RBPJ: variants seen among roughly 807,000 people sequenced by gnomAD.
RBPJ encodes the protein recombination signal binding protein for immunoglobulin kappa J region, also known as recombining binding protein suppressor of hairless.
In RBPJ, 9 loss-of-function variants were observed where a neutral mutation model predicts 67.8. The ratio of observed to expected loss-of-function variants is 0.13; its 90% CI spans 0.08 to 0.23. The LOEUF (loss-of-function observed/expected upper bound fraction) is 0.23, where lower values mean the gene tolerates loss of function less well. RBPJ is among the 10% of genes least tolerant of loss of function. The probability of loss-of-function intolerance (pLI) is 1.00; values close to 1 mark genes in which losing one functional copy is unlikely to be tolerated. For synonymous variants in RBPJ, 198 were observed against 203.3 expected (o/e 0.97, Z 0.22); for missense variants, 305 against 595.6 (o/e 0.51, Z 5.08).
Position 26,342,484 on chromosome 4 carries a change from G to A in RBPJ, c.20+21436G>A, listed in dbSNP as rs534026404. 2.0e-5 allele frequency among the ~76,000 whole-genome samples: 3 copies of A among 152,292 alleles called. No individual in the cohort carries two copies. The South Asian group carries it at 6.2e-4, about 32-fold the overall frequency. ...GTAGTATGAACATCTGCTAGCGATA[G>A]TGTAATTTAGTATGTGGTGATCCTA... On this transcript the variant is annotated intron_variant, in intron 1 of 10. Transcript: ENST00000355476.
chr4:26,140,470 C>G, the RBPJ span, among the ~76,000 whole-genome samples: 1 of 152,174 alleles, frequency 6.6e-6, no homozygotes, highest in East Asian at 1.9e-4. Context: ...CAACTTGGCT[C>G]TCCTCCCTGC....
At chr4:26,368,952 A>G (rs1190561533) in intron 1 of RBPJ, among the ~76,000 whole-genome samples, 2 of 152,154 alleles carry the variant, frequency 1.3e-5, no homozygotes, top group Non-Finnish European at 2.9e-5. Flanking sequence ...CTCTGTAGGG[A>G]GCCAATTTTC....
chr4:26,305,604 T>C (rs1409164924), intron 1 of RBPJ, among the ~76,000 whole-genome samples: 1 of 152,064 alleles, frequency 6.6e-6, no homozygotes, highest in Non-Finnish European at 1.5e-5. Context: ...TTAATACTCA[T>C]GCTATTGGAA....
intron 1 of RBPJ, among the ~76,000 whole-genome samples, chr4:26,193,845 A>G (rs1045828287): frequency 6.6e-6 from 1 of 152,134 alleles, no homozygotes; most frequent in Non-Finnish European, 1.5e-5. Flanking sequence ...CAGAGCCTGC[A>G]ATACCTGGCC....
intron 1 of RBPJ, among the ~76,000 whole-genome samples, chr4:26,233,240 C>A (rs150369145): frequency 6.6e-6 from 1 of 152,118 alleles, no homozygotes; most frequent in African/African-American, 2.4e-5. Flanking sequence ...AATTAAAATA[C>A]TGGGGGGGAA....
the RBPJ span, among the ~76,000 whole-genome samples, chr4:26,151,123 C>T: frequency 5.1e-4 from 77 of 152,212 alleles, no homozygotes; most frequent in African/African-American, 1.6e-3. Context: ...CAAATGGCAC[C>T]GAAGCAGCAG....
At chr4:26,343,135 A>G (rs1055623885) in intron 1 of RBPJ, 1 of 152,158 alleles carries the variant, frequency 6.6e-6, no homozygotes, top group African/African-American at 2.4e-5. Context: ...CTTGCAATGA[A>G]TTCTGTGTTT....
chr4:26,212,791 G>A (rs1370544911), intron 1 of RBPJ, among the ~76,000 whole-genome samples: 1 of 152,092 alleles, frequency 6.6e-6, no homozygotes, highest in Non-Finnish European at 1.5e-5. Context: ...TTCAGTATGA[G>A]ATCATACCTT....
At chr4:26,268,308 G>A (rs768935681) in intron 1 of RBPJ, among the ~76,000 whole-genome samples, 1 of 151,914 alleles carries the variant, frequency 6.6e-6, no homozygotes, top group East Asian at 1.9e-4. Context: ...TTCTGTGTAC[G>A]GTTCTGGTCC....
chr4:26,363,274 G>T (rs2109507656), intron 1 of RBPJ, among the ~76,000 whole-genome samples: 1 of 152,074 alleles, frequency 6.6e-6, no homozygotes, highest in Admixed American at 6.6e-5. Flanking sequence ...TGAGTAGCTG[G>T]AACTATAGGC....
At chr4:26,287,704 A>G (rs959024656) in intron 1 of RBPJ, among the ~76,000 whole-genome samples, 8 of 89,880 alleles carry the variant, frequency 8.9e-5, no homozygotes, top group Admixed American at 6.8e-4. Flanking sequence ...AGGGAAGAAA[A>G]GAAAGAGAAA....
intron 1 of RBPJ, among the ~76,000 whole-genome samples, chr4:26,296,291 T>C (rs149028864): frequency 1.4e-4 from 22 of 152,312 alleles, no homozygotes; most frequent in Non-Finnish European, 2.5e-4. Context: ...CCTCTAACAA[T>C]GCTCTTTTTT....
chr4:26,107,613 TG>T, the RBPJ span, among the ~76,000 whole-genome samples: 1 of 152,206 alleles, frequency 6.6e-6, no homozygotes, highest in African/African-American at 2.4e-5. Context: ...TGCTTCTCTT[TG>T]GGTCCAGGTG....
chr4:26,139,060 G>A, the RBPJ span, among the ~76,000 whole-genome samples: 1 of 152,356 alleles, frequency 6.6e-6, no homozygotes, highest in East Asian at 1.9e-4. Context: ...CAGCACCTGA[G>A]GTTCCGAGAG....
At chr4:26,109,247 A>C in the RBPJ span, among the ~76,000 whole-genome samples, 2 of 150,534 alleles carry the variant, frequency 1.3e-5, no homozygotes, top group Non-Finnish European at 2.9e-5. Flanking sequence ...AGCTGGGATT[A>C]TAGGCATGGC....
At chr4:26,338,992 T>C (rs1725214317) in intron 1 of RBPJ, among the ~76,000 whole-genome samples, 1 of 152,044 alleles carries the variant, frequency 6.6e-6, no homozygotes, top group Non-Finnish European at 1.5e-5. Context: ...GCTAATTTTT[T>C]GTATTTTTTT....
intron 1 of RBPJ, among the ~76,000 whole-genome samples, chr4:26,213,190 G>A (rs963980372): frequency 1.3e-5 from 2 of 152,184 alleles, no homozygotes; most frequent in Admixed American, 1.3e-4. Flanking sequence ...AGAAGTTCCA[G>A]AGGTCCTGAA....
Position 26,416,073 on chromosome 4 carries a change from G to A in RBPJ, c.321+433G>A, listed in dbSNP as rs1306709120. 2.6e-5 allele frequency among the ~76,000 whole-genome samples: 4 copies of A among 152,114 alleles called. No homozygotes were observed. The East Asian group carries it at 5.8e-4, about 22-fold the overall frequency. On this transcript the variant is annotated intron_variant, in intron 4 of 10. Coordinates refer to ENST00000355476, the MANE Select transcript of RBPJ (RefSeq NM_015874.6). The stretch of plus-strand genomic sequence containing the variant: ...GGAAAGCATTTATCTGGGTTATAAC[G>A]ATCATAAACGTTTACTTGACATCAG...
intron 1 of RBPJ, among the ~76,000 whole-genome samples, chr4:26,312,130 A>G (rs1722449614): frequency 6.7e-6 from 1 of 149,922 alleles, no homozygotes. Flanking sequence ...TTCTTATTTT[A>G]TTTTATTTTA....
Sources: gnomAD v4.1 joint callset for allele counts (sites outside exome capture counted in the v4.1 genomes callset) on GRCh38, gnomAD v4.1.1 for gene constraint, MANE v1.5 for transcripts, NCBI Gene and HGNC (gene_info 2026-07-23, HGNC 2026-07-21) for gene names.